The following TBXAS1 variants were observed in gnomAD, a reference collection of about 807,000 sequenced individuals.
TBXAS1 encodes thromboxane-A synthase.
In TBXAS1, 48 loss-of-function variants were observed where a neutral mutation model predicts 60.7. The observed-to-expected ratio is 0.79, with a 90% CI of 0.63 to 1.01. The LOEUF is 1.01. Ranked by LOEUF, TBXAS1 falls within the 50% of genes least tolerant of loss-of-function variation. TBXAS1 has a pLI of 0.00. For synonymous variants in TBXAS1, 287 were observed against 269.7 expected (o/e 1.06, Z -0.63); for missense variants, 685 against 686.3 (o/e 1.00, Z 0.02).
intron 9 of TBXAS1, among the ~76,000 whole-genome samples, chr7:139,977,214 AAAAG>A (rs1236818367): frequency 6.6e-6 from 1 of 152,160 alleles, no homozygotes; most frequent in East Asian, 1.9e-4. Flanking sequence ...GGCAATTTAC[AAAAG>A]AAAGAGGTTT....
rs762742576 is a variant in TBXAS1 at position 140,020,161 on chromosome 7, A to G, written c.*62A>G. The G allele has an allele frequency of 5.8e-6, 9 of 1,556,986 alleles. No individual in the cohort carries two copies. In the East Asian group the frequency reaches 2.0e-4, roughly 35 times the overall value. On this transcript the variant is annotated 3_prime_UTR_variant, in exon 13 of 13. Coordinates refer to ENST00000448866, the MANE Select transcript of TBXAS1 (RefSeq NM_001061.7). Reference sequence around the variant, plus strand: ...AATTCAAAGAAAACCCTAAGTGTGGATGTTCAGAATTTTGGAAAAATGTCA... The same window carrying G: ...AATTCAAAGAAAACCCTAAGTGTGGGTGTTCAGAATTTTGGAAAAATGTCA...
Position 139,877,416 on chromosome 7 carries a change from G to T in TBXAS1, c.236+1779G>T, listed in dbSNP as rs894201434. Among the ~76,000 whole-genome samples the T allele has an allele frequency of 2.2e-4, 34 of 152,056 alleles. 1 individual carries two copies. Among genetic ancestry groups the T allele is most frequent in the Middle Eastern group, 6.8e-3 (2 of 294 alleles). ...CTATTGCTTTTTGTTTTTGTTTTTT[G>T]TTGTTGTTGTTGTTTGTTTGTTTTG... On this transcript the variant is annotated intron_variant, in intron 3 of 12. Transcript: ENST00000448866.
chr7:139,820,709 T>A (rs1798274169), intron 4 of TBXAS1, among the ~76,000 whole-genome samples: 1 of 152,154 alleles, frequency 6.6e-6, no homozygotes, highest in South Asian at 2.1e-4. Context: ...CCCTACCTTA[T>A]CTCTCCTGTG....
chr7:139,980,244 G>A (rs1348259194), intron 9 of TBXAS1, among the ~76,000 whole-genome samples: 1 of 152,036 alleles, frequency 6.6e-6, no homozygotes, highest in African/African-American at 2.4e-5. Flanking sequence ...CTAAAGTTAT[G>A]GCCTACAACT....
intron 3 of TBXAS1, among the ~76,000 whole-genome samples, chr7:139,900,742 C>T (rs182164977): frequency 3.0e-4 from 45 of 152,252 alleles, no homozygotes; most frequent in African/African-American, 7.7e-4. Flanking sequence ...TTCTGCAGAC[C>T]GGCTCTCTCC....
chr7:139,788,470 G>A (rs140789025), intron 4 of TBXAS1, among the ~76,000 whole-genome samples: 1 of 152,148 alleles, frequency 6.6e-6, no homozygotes, highest in Admixed American at 6.5e-5. Flanking sequence ...ACTTACTTGT[G>A]GCTCAATAAA....
intron 4 of TBXAS1, among the ~76,000 whole-genome samples, chr7:139,807,076 C>T (rs778603255): frequency 6.6e-6 from 1 of 152,218 alleles, no homozygotes; most frequent in Non-Finnish European, 1.5e-5. Context: ...TCTGGCCACT[C>T]TGCAGTCCAA....
chr7:139,784,565 G>A (rs920719773), intron 3 of TBXAS1, among the ~76,000 whole-genome samples: 1 of 152,204 alleles, frequency 6.6e-6, no homozygotes, highest in Admixed American at 6.5e-5. Flanking sequence ...GTTCTGGCAG[G>A]TGACAGCAAA....
intron 9 of TBXAS1, among the ~76,000 whole-genome samples, chr7:139,994,225 TAG>T (rs1813136763): frequency 6.6e-6 from 1 of 152,210 alleles, no homozygotes; most frequent in Non-Finnish European, 1.5e-5. Flanking sequence ...GTATTTTTAG[TAG>T]AGATGGGGTT....
At chr7:139,821,734 C>A (rs1798304122) in intron 4 of TBXAS1, among the ~76,000 whole-genome samples, 2 of 152,332 alleles carry the variant, frequency 1.3e-5, no homozygotes, top group East Asian at 3.9e-4. Flanking sequence ...AGTCTTCTTC[C>A]ACGTCTCAGC....
At chr7:139,985,326 T>C (rs1435380179) in intron 9 of TBXAS1, among the ~76,000 whole-genome samples, 3 of 152,234 alleles carry the variant, frequency 2.0e-5, no homozygotes, top group African/African-American at 7.2e-5. Context: ...CTAGCCTGAC[T>C]GTCTGTGTCC....
chr7:139,962,262 T>C (rs1326381617), intron 9 of TBXAS1, 29 bp downstream of exon 9: 1 of 1,612,700 alleles, frequency 6.2e-7, no homozygotes, highest in Non-Finnish European at 8.5e-7. Context: ...CAGTTACCCA[T>C]GGGATATCCA....
chr7:139,954,755 G>A (rs1809701081), intron 6 of TBXAS1, among the ~76,000 whole-genome samples: 1 of 152,146 alleles, frequency 6.6e-6, no homozygotes, highest in Non-Finnish European at 1.5e-5. Context: ...TAGCCTAAGA[G>A]GTTAAATTTT....
chr7:139,969,455 TAC>T (rs1273076665), intron 9 of TBXAS1, among the ~76,000 whole-genome samples: 3 of 18,738 alleles, frequency 1.6e-4, no homozygotes, highest in African/African-American at 5.6e-4. Context: ...ATTATGTGCT[TAC>T]AAAAAAAAAA....
At chr7:140,003,742 G>A (rs1813862320) in intron 9 of TBXAS1, among the ~76,000 whole-genome samples, 1 of 152,100 alleles carries the variant, frequency 6.6e-6, no homozygotes, top group Admixed American at 6.5e-5. Context: ...TTGAGATATA[G>A]TTCCCTATTT....
intron 10 of TBXAS1, among the ~76,000 whole-genome samples, chr7:140,012,609 A>C (rs918444983): frequency 3.9e-5 from 6 of 151,964 alleles, no homozygotes; most frequent in Non-Finnish European, 8.8e-5. Context: ...CAGGCGCACG[A>C]CACCATGCTT....
At chr7:139,997,624 T>C (rs1038604872) in intron 9 of TBXAS1, among the ~76,000 whole-genome samples, 7 of 152,218 alleles carry the variant, frequency 4.6e-5, no homozygotes, top group African/African-American at 1.7e-4. Context: ...GCCCTATTTC[T>C]TTCTCTCAGT....
chr7:139,909,561 CT>C (rs1178123334), intron 3 of TBXAS1, among the ~76,000 whole-genome samples: 1 of 152,142 alleles, frequency 6.6e-6, no homozygotes, highest in Admixed American at 6.5e-5. Flanking sequence ...AAAGATTTTC[CT>C]GACAATTTTG....
chr7:139,906,178 C>T, intron 3 of TBXAS1: 1 of 294,150 alleles, frequency 3.4e-6, no homozygotes, highest in South Asian at 2.7e-5. Context: ...GCCTCAGCCT[C>T]CTGAGTAGCT....
Sources: allele counts gnomAD v4.1 joint callset (sites outside exome capture counted in the v4.1 genomes callset), GRCh38; gene constraint gnomAD v4.1.1; transcripts MANE v1.5; gene names NCBI Gene and HGNC (gene_info 2026-07-23, HGNC 2026-07-21).